The following LAMB1 variants were observed in gnomAD, a reference collection of about 807,000 sequenced individuals.
The protein encoded by LAMB1 is laminin subunit beta 1.
Under a neutral mutation model 222.3 loss-of-function variants are expected in LAMB1, and 121 were observed. That is an observed-to-expected ratio of 0.54 (90% CI 0.47 to 0.63). LAMB1 has a LOEUF of 0.63. LAMB1 is among the 30% of genes least tolerant of loss of function. The pLI, the probability that LAMB1 is intolerant of heterozygous loss-of-function variation, is 0.00. For synonymous variants in LAMB1, 794 were observed against 807.2 expected, an observed-to-expected ratio of 0.98 and a Z score of 0.28; for missense variants, 2,172 against 2,240.8, an observed-to-expected ratio of 0.97 and a Z score of 0.62.
At position 107,975,064 on chromosome 7, in the gene LAMB1, T is replaced by C; in HGVS notation, c.1404A>G (p.Gly468=). Residue 468 remains glycine (G), a synonymous_variant, in exon 12 of 34, where the codon GGA becomes GGG. Transcript: ENST00000222399. ...CACNPLGTIP[G]GNPCDSETGH... ...CTGTCTCGGAATCACAAGGATTCCC[T>C]CCAGGAATTGTTCCCAGAGGATTGC... 1 of 1,612,484 alleles carries C rather than the reference T, an allele frequency of 6.2e-7. No individual in the cohort carries two copies. Among genetic ancestry groups the C allele is most frequent in the Non-Finnish European group, 8.5e-7 (1 of 1,178,598 alleles).
At chr7:107,994,793 C>CA (rs775405748) in intron 5 of LAMB1, 94 bp downstream of exon 5, 2 of 655,362 alleles carry the variant, frequency 3.1e-6, no homozygotes, top group Non-Finnish European at 5.3e-6. Context: ...TTTAAGTTCC[C>CA]ATTTAGGTCA....
At chr7:107,958,959 CA>C (rs2033434573) in intron 20 of LAMB1, among the ~76,000 whole-genome samples, 1 of 152,186 alleles carries the variant, frequency 6.6e-6, no homozygotes, top group Non-Finnish European at 1.5e-5. Flanking sequence ...CTGAGACAGA[CA>C]GAATTTCTAT....
chr7:107,963,968 C>T (rs2033569415), intron 14 of LAMB1, among the ~76,000 whole-genome samples: 1 of 152,218 alleles, frequency 6.6e-6, no homozygotes, highest in African/African-American at 2.4e-5. Flanking sequence ...CGTGGTGGCA[C>T]ATGCCTATAA....
chr7:107,991,541 C>A (rs943699230), intron 5 of LAMB1, among the ~76,000 whole-genome samples: 1 of 151,326 alleles, frequency 6.6e-6, no homozygotes, highest in South Asian at 2.1e-4. Flanking sequence ...GAGCCAAGAT[C>A]GTGCCACTGC....
In LAMB1 at chr7:107,959,292, A is replaced by G; in HGVS notation, c.2647T>C (p.Cys883Arg). ...ADDCDPVTGECLNCQDYTMGH... is the reference protein window; with the variant it reads ...ADDCDPVTGERLNCQDYTMGH... Reference sequence around the variant, plus strand: ...ATGGTGTAGTCCTGGCAGTTCAAGCACTCCCCAGTCACTGGGTCGCAGTCA... The same window carrying G: ...ATGGTGTAGTCCTGGCAGTTCAAGCGCTCCCCAGTCACTGGGTCGCAGTCA... Residue 883 changes from cysteine to arginine, a missense_variant, in exon 20 of 34, where the codon TGC (cysteine) becomes CGC (arginine). By Grantham distance (180) the Cys-to-Arg change is radical. Coordinates refer to ENST00000222399, the MANE Select transcript of LAMB1 (RefSeq NM_002291.3). The G allele has an allele frequency of 6.2e-7, 1 of 1,614,028 alleles. No individual in the cohort carries two copies. Among genetic ancestry groups the G allele is most frequent in the Non-Finnish European group, 8.5e-7 (1 of 1,180,018 alleles).
At position 107,986,325 on chromosome 7, in the gene LAMB1, G is replaced by T; in HGVS notation, c.462C>A (p.Ser154=). The stretch of plus-strand genomic sequence containing the variant: ...ACACACCCCAGGTTTTCCCAAAGTC[G>T]GACGATCGTTCTATCAGCATAGCAG... ...RPAAMLIERS[S]DFGKTWGVYR... The change falls in exon 6 of 34, where the codon TCC becomes TCA. Residue 154 remains serine (S), a synonymous_variant. Coordinates refer to ENST00000222399, the MANE Select transcript of LAMB1 (RefSeq NM_002291.3). The T allele has an allele frequency of 1.2e-6, 2 of 1,608,346 alleles. No individual in the cohort carries two copies. The highest frequency in any genetic ancestry group is 1.7e-6 in the Non-Finnish European group (2 of 1,175,584).
intron 2 of LAMB1, among the ~76,000 whole-genome samples, chr7:108,002,563 G>T (rs2034412065): frequency 6.6e-6 from 1 of 152,236 alleles, no homozygotes; most frequent in South Asian, 2.1e-4. Flanking sequence ...GGGAAACCCA[G>T]GGTGAACCGG....
chr7:107,928,641 CA>C (rs1370028961), intron 31 of LAMB1, among the ~76,000 whole-genome samples: 1 of 152,100 alleles, frequency 6.6e-6, no homozygotes, highest in Admixed American at 6.5e-5. Context: ...TACAGGCACA[CA>C]CCACTATGCC....
At position 107,975,701 on chromosome 7, in the gene LAMB1, T is replaced by C. The variant is rs2033839866; in HGVS notation, c.1177A>G (p.Asn393Asp). ...QHPERDIRDP[N>D]FCERCTCDPA... is the part of the protein sequence containing the mutation. Reference sequence around the variant, plus strand: ...TTTCTCAACATACGTTCACAGAAATTAGGATCTCGGATGTCCCTCTCTGGG... The same window carrying C: ...TTTCTCAACATACGTTCACAGAAATCAGGATCTCGGATGTCCCTCTCTGGG... Residue 393 changes from asparagine (N) to aspartate (D), a missense_variant, in exon 10 of 34, where the codon AAT (asparagine) becomes GAT (aspartate). Transcript: ENST00000222399. 2 of 1,611,018 alleles carry C rather than the reference T, an allele frequency of 1.2e-6. No individual in the cohort carries two copies. Among genetic ancestry groups the C allele is most frequent in the Admixed American group, 1.7e-5 (1 of 59,570 alleles).
At chr7:107,929,845 T>C in intron 29 of LAMB1, 3 of 566,268 alleles carry the variant, frequency 5.3e-6, no homozygotes, top group Non-Finnish European at 9.4e-6. Flanking sequence ...AGAATTTGTT[T>C]TAGGCTGGGT....
At chr7:107,996,438 G>C (rs77546626) in intron 4 of LAMB1, among the ~76,000 whole-genome samples, 1,560 of 152,280 alleles carry the variant, frequency 0.01, 9 homozygotes, top group Non-Finnish European at 0.018. Flanking sequence ...TCTGTGCCTG[G>C]ACACTGATAA....
chr7:107,933,624 G>T (rs1282499308), intron 27 of LAMB1, among the ~76,000 whole-genome samples: 1 of 151,400 alleles, frequency 6.6e-6, no homozygotes, highest in African/African-American at 2.4e-5. Context: ...ACACAGTATG[G>T]CTCTAGCTAA....
At chr7:107,934,432 C>T (rs2032791135) in intron 27 of LAMB1, among the ~76,000 whole-genome samples, 1 of 152,144 alleles carries the variant, frequency 6.6e-6, no homozygotes, top group South Asian at 2.1e-4. Flanking sequence ...AATTATTTCA[C>T]ATAGGTATCC....
intron 18 of LAMB1, 24 bp from the exon 19 acceptor site, chr7:107,959,858 C>G (rs1276205600): frequency 3.1e-6 from 5 of 1,606,962 alleles, no homozygotes; most frequent in Non-Finnish European, 3.4e-6. Flanking sequence ...GAGGCCAGAA[C>G]CCATGACACG....
chr7:107,928,704 G>T lies in LAMB1; in HGVS notation c.4887+360C>A, dbSNP rs1051710284. Among the ~76,000 whole-genome samples the T allele has an allele frequency of 3.3e-5, 5 of 152,150 alleles. 1 individual carries two copies. In the South Asian group the frequency reaches 1.0e-3, roughly 32 times the overall value. On this transcript the variant is annotated intron_variant, in intron 31 of 33. Coordinates refer to ENST00000222399, the MANE Select transcript of LAMB1 (RefSeq NM_002291.3). ...GAAGGGGTTTTGCCATGTTGGCCACGCTGGTCTTGAACTACTGACCTCAAA... is the reference window on the plus strand; with the variant it reads ...GAAGGGGTTTTGCCATGTTGGCCACTCTGGTCTTGAACTACTGACCTCAAA...
chr7:107,932,162 CCACTG>C lies in LAMB1; in HGVS notation c.4392+7_4392+11del. ...CATACATAACAAAAACTGAGGCCATCCACTGAGTTACCATCTTGGAGAGCTGTTCC... is the reference window on the plus strand; with the variant it reads ...CATACATAACAAAAACTGAGGCCATCAGTTACCATCTTGGAGAGCTGTTCC... On this transcript the variant is annotated splice_region_variant and intron_variant, in intron 28 of 33. Coordinates refer to ENST00000222399, the MANE Select transcript of LAMB1 (RefSeq NM_002291.3). 6.2e-7 allele frequency: 1 copy of C among 1,613,354 alleles called. No individual in the cohort carries two copies. Among genetic ancestry groups the C allele is most frequent in the Non-Finnish European group, 8.5e-7 (1 of 1,179,236 alleles).
At chr7:107,962,170 CTAGGAAAACGTTTTGG>C (rs998221091) in intron 15 of LAMB1, among the ~76,000 whole-genome samples, 25 of 152,182 alleles carry the variant, frequency 1.6e-4, no homozygotes, top group Non-Finnish European at 3.2e-4. Context: ...CTCTGATTCT[CTAGGAAAACGTTTTGG>C]TAGCCCTGGC....
intron 27 of LAMB1, 166 bp from the exon 28 acceptor site, chr7:107,932,543 A>G (rs1222489226): frequency 3.1e-6 from 2 of 637,230 alleles, no homozygotes; most frequent in East Asian, 5.5e-5. Context: ...CAGAGAGTTT[A>G]GGAGTAAACT....
chr7:107,975,603 A>G, intron 10 of LAMB1, 86 bp downstream of exon 10: 2 of 1,372,748 alleles, frequency 1.5e-6, no homozygotes, highest in Admixed American at 2.1e-5. Context: ...TACTGCTCAT[A>G]CTATGAGCTC....
Sources: allele counts gnomAD v4.1 joint callset (sites outside exome capture counted in the v4.1 genomes callset), GRCh38; gene constraint gnomAD v4.1.1; transcripts MANE v1.5; gene names NCBI Gene and HGNC (gene_info 2026-07-23, HGNC 2026-07-21).